ARID5B: variants seen among roughly 807,000 people sequenced by gnomAD.
ARID5B encodes the protein AT-rich interaction domain 5B.
Under a neutral mutation model 97.2 loss-of-function variants are expected in ARID5B, and 13 were observed. That is an observed-to-expected ratio of 0.13 (90% CI 0.09 to 0.21). The LOEUF (loss-of-function observed/expected upper bound fraction) is 0.21. Ranked by LOEUF, ARID5B falls within the 10% of genes least tolerant of loss-of-function variation. The pLI, the probability that ARID5B is intolerant of heterozygous loss-of-function variation, is 1.00. For missense variants in ARID5B, 1,210 were observed against 1,465.3 expected (o/e 0.83, Z 2.84); for synonymous variants, 556 against 570.3 (o/e 0.97, Z 0.36).
At chr10:62,076,596 A>G (rs1476664787) in intron 8 of ARID5B, among the ~76,000 whole-genome samples, 3 of 146,068 alleles carry the variant, frequency 2.1e-5, no homozygotes, top group African/African-American at 5.0e-5. Flanking sequence ...TATAAAAACT[A>G]GTTTTATGTA....
chr10:62,076,311 G>A (rs1010661034), intron 8 of ARID5B, among the ~76,000 whole-genome samples: 14 of 152,112 alleles, frequency 9.2e-5, no homozygotes, highest in African/African-American at 2.4e-4. Flanking sequence ...AGGCCGAGGC[G>A]GGCAGATGAC....
intron 3 of ARID5B, among the ~76,000 whole-genome samples, chr10:61,949,229 A>T (rs1838286083): frequency 6.6e-6 from 1 of 152,206 alleles, no homozygotes; most frequent in East Asian, 1.9e-4. Context: ...CTAAATTTTC[A>T]TATGTGATAG....
At chr10:61,941,704 A>G (rs553790896) in intron 3 of ARID5B, among the ~76,000 whole-genome samples, 2 of 152,282 alleles carry the variant, frequency 1.3e-5, no homozygotes, top group South Asian at 4.1e-4. Flanking sequence ...TTAACTATCA[A>G]CGGTTTCCTG....
At chr10:62,049,384 C>T (rs1285444850) in intron 4 of ARID5B, 3 of 1,548,904 alleles carry the variant, frequency 1.9e-6, no homozygotes, top group Non-Finnish European at 2.6e-6. Flanking sequence ...GACATCCACA[C>T]CAAGTCGAGA....
intron 8 of ARID5B, among the ~76,000 whole-genome samples, chr10:62,085,118 T>C (rs1327700905): frequency 6.6e-6 from 1 of 152,238 alleles, no homozygotes; most frequent in Non-Finnish European, 1.5e-5. Context: ...GGCAAATTGT[T>C]TAACCTTTAT....
Position 62,092,764 on chromosome 10 carries a change from C to T in ARID5B, c.3301C>T (p.His1101Tyr), listed in dbSNP as rs1164426377. ...CTCCAGGCTCCCGGCTGGGTATTCT[C>T]ATTCTCTGCAGTACTTGAAAAACCA... The part of the protein sequence containing the change: ...LNSRLPAGYS[H>Y]SLQYLKNQTV... Residue 1101 changes from histidine to tyrosine, a missense_variant, in exon 10 of 10, where the codon CAT (histidine) becomes TAT (tyrosine). This residue lies in a region of ARID5B where 800 missense variants were observed against 839.1 expected (regional missense o/e 0.95). Coordinates refer to ENST00000279873, the MANE Select transcript of ARID5B (RefSeq NM_032199.3). The T allele has an allele frequency of 6.2e-7, 1 of 1,614,078 alleles. No individual in the cohort carries two copies. Among genetic ancestry groups the T allele is most frequent in the Admixed American group, 1.7e-5 (1 of 60,012 alleles).
chr10:61,946,390 A>G (rs997839729), intron 3 of ARID5B, among the ~76,000 whole-genome samples: 2 of 152,166 alleles, frequency 1.3e-5, no homozygotes, highest in African/African-American at 4.8e-5. Context: ...TTTCACTGCT[A>G]ATGAATTTAC....
At chr10:62,051,591 C>T (rs530422853) in intron 5 of ARID5B, among the ~76,000 whole-genome samples, 3 of 152,274 alleles carry the variant, frequency 2.0e-5, no homozygotes, top group South Asian at 2.1e-4. Context: ...GTAAATTCTA[C>T]GCTGTTGTTC....
chr10:62,089,528 C>CTTTTTTTTT (rs34423923), intron 9 of ARID5B, among the ~76,000 whole-genome samples: 2 of 101,544 alleles, frequency 2.0e-5, no homozygotes, highest in Non-Finnish European at 2.0e-5. Flanking sequence ...CCTTCTTTTT[C>CTTTTTTTTT]TTTTTTTTTT....
chr10:61,973,629 A>G (rs1435203356), intron 3 of ARID5B, among the ~76,000 whole-genome samples: 1 of 151,824 alleles, frequency 6.6e-6, no homozygotes, highest in African/African-American at 2.4e-5. Context: ...GGGAGGGGGG[A>G]AGCTTTTAAT....
intron 2 of ARID5B, among the ~76,000 whole-genome samples, chr10:61,928,049 CCT>C (rs1844137891): frequency 6.6e-6 from 1 of 152,052 alleles, no homozygotes; most frequent in African/African-American, 2.4e-5. Flanking sequence ...GTATTTATTC[CCT>C]GTTGCTTCCC....
intron 2 of ARID5B, among the ~76,000 whole-genome samples, chr10:61,911,123 C>T (rs1184635810): frequency 6.6e-6 from 1 of 152,210 alleles, no homozygotes; most frequent in African/African-American, 2.4e-5. Flanking sequence ...AAACATTAAA[C>T]TCTTGTCTTT....
rs927761350 is a variant in ARID5B, at chr10:62,094,109, A to G, written c.*1079A>G. Reference sequence around the variant, plus strand: ...CACTGGCAGCAAGCTGCCGAATAACAACAGAGTCTAGAGGACATATTTGTG... The same window carrying G: ...CACTGGCAGCAAGCTGCCGAATAACGACAGAGTCTAGAGGACATATTTGTG... On this transcript the variant is annotated 3_prime_UTR_variant, in exon 10 of 10. Transcript: ENST00000279873. The G allele has an allele frequency of 1.3e-5, 3 of 233,366 alleles. No individual in the cohort carries two copies. The highest frequency in any genetic ancestry group is 6.6e-5 in the African/African-American group (3 of 45,344). The allele number at this position is 233,366 out of a possible 1,614,324, so 14.5% of individuals were successfully genotyped here.
chr10:61,945,268 TG>T (rs961914042), intron 3 of ARID5B, among the ~76,000 whole-genome samples: 2 of 152,252 alleles, frequency 1.3e-5, no homozygotes, highest in Non-Finnish European at 2.9e-5. Context: ...ATATATTTTT[TG>T]TTTTTTATTT....
At chr10:62,011,935 T>C (rs1400729885) in intron 4 of ARID5B, among the ~76,000 whole-genome samples, 2 of 152,058 alleles carry the variant, frequency 1.3e-5, no homozygotes. Flanking sequence ...AAACCCTAAT[T>C]AACCAGAATC....
At chr10:61,990,079 C>G (rs1013351930) in intron 3 of ARID5B, among the ~76,000 whole-genome samples, 1 of 152,208 alleles carries the variant, frequency 6.6e-6, no homozygotes, top group Non-Finnish European at 1.5e-5. Flanking sequence ...TTCTCGTACC[C>G]TCAAAGGAGA....
At chr10:61,903,627 G>A (rs993382595) in intron 2 of ARID5B, among the ~76,000 whole-genome samples, 6 of 152,218 alleles carry the variant, frequency 3.9e-5, no homozygotes, top group African/African-American at 1.4e-4. Context: ...GAGCTTTCGA[G>A]GTAGGTGTAA....
chr10:61,978,043 G>A (rs1838725161), intron 3 of ARID5B, among the ~76,000 whole-genome samples: 2 of 152,210 alleles, frequency 1.3e-5, no homozygotes, highest in South Asian at 2.1e-4. Flanking sequence ...TGTATAAGCT[G>A]TAAGGAAGGG....
chr10:62,038,676 G>A (rs1030863588), intron 4 of ARID5B, among the ~76,000 whole-genome samples: 2 of 152,108 alleles, frequency 1.3e-5, no homozygotes, highest in Non-Finnish European at 2.9e-5. Context: ...CACATAAGAG[G>A]GCTGAAAATG....
Sources: allele counts gnomAD v4.1 joint callset (sites outside exome capture counted in the v4.1 genomes callset), GRCh38; gene constraint gnomAD v4.1.1; regional missense constraint gnomAD v4.1.1; transcripts MANE v1.5; gene names NCBI Gene and HGNC (gene_info 2026-07-23, HGNC 2026-07-21).